NAALADL2: variants seen among roughly 807,000 people sequenced by gnomAD.
The protein encoded by NAALADL2 is inactive N-acetylated-alpha-linked acidic dipeptidase-like protein 2.
In NAALADL2, 76 loss-of-function variants were observed where a neutral mutation model predicts 87.2. The ratio of observed to expected loss-of-function variants is 0.87; its 90% confidence interval spans 0.72 to 1.05. NAALADL2 has a LOEUF of 1.05. Among genes scored for constraint, NAALADL2 ranks in the 50% least tolerant of loss-of-function variants. The pLI is 0.00. For synonymous variants in NAALADL2, 354 were observed against 331.0 expected (o/e 1.07, Z -0.75); for missense variants, 1,089 against 945.8 (o/e 1.15, Z -1.99).
chr3:175,003,711 G>A (rs969384007), intron 1 of NAALADL2, among the ~76,000 whole-genome samples: 35 of 152,188 alleles, frequency 2.3e-4, no homozygotes, highest in African/African-American at 8.2e-4. Context: ...GGCTGCAGTT[G>A]TTCATTCACC....
At chr3:175,056,997 A>G (rs1712344170) in intron 1 of NAALADL2, among the ~76,000 whole-genome samples, 1 of 152,206 alleles carries the variant, frequency 6.6e-6, no homozygotes, top group South Asian at 2.1e-4. Context: ...TTATGGCCAG[A>G]TTTGGGAGGC....
chr3:174,626,535 G>A (rs1721594917), intron 2 of NAALADL2, among the ~76,000 whole-genome samples: 1 of 151,924 alleles, frequency 6.6e-6, no homozygotes, highest in Admixed American at 6.6e-5. Context: ...TCTGTCGGGT[G>A]TGCTCATTTT....
intron 5 of NAALADL2, among the ~76,000 whole-genome samples, chr3:175,405,665 A>T (rs562181218): frequency 8.2e-4 from 125 of 152,152 alleles, no homozygotes; most frequent in Non-Finnish European, 6.3e-4. Flanking sequence ...TTCTTTACAC[A>T]CATTTTGCTG....
At chr3:175,214,363 C>G (rs1188794821) in intron 2 of NAALADL2, among the ~76,000 whole-genome samples, 4 of 152,114 alleles carry the variant, frequency 2.6e-5, no homozygotes, top group Middle Eastern at 3.2e-3. Flanking sequence ...CTGTAAAAGC[C>G]TCTGTGTCTT....
chr3:175,061,806 A>G (rs77720651), intron 1 of NAALADL2, among the ~76,000 whole-genome samples: 16,927 of 150,724 alleles, frequency 0.11, 1,087 homozygotes, highest in East Asian at 0.21. Context: ...GCTTATGCCT[A>G]TGTAATTTTG....
At chr3:175,317,364 T>C (rs1382697446) in intron 4 of NAALADL2, among the ~76,000 whole-genome samples, 1 of 151,342 alleles carries the variant, frequency 6.6e-6, no homozygotes, top group African/African-American at 2.4e-5. Context: ...AAAAAAAATG[T>C]GGATTCCCAT....
intron 1 of NAALADL2, among the ~76,000 whole-genome samples, chr3:174,974,465 A>T (rs1744099263): frequency 6.6e-6 from 1 of 152,132 alleles, no homozygotes; most frequent in African/African-American, 2.4e-5. Flanking sequence ...CCTTGGTTTT[A>T]CCTATTAAGT....
intron 1 of NAALADL2, among the ~76,000 whole-genome samples, chr3:174,898,962 C>T (rs1219783019): frequency 3.3e-5 from 5 of 151,936 alleles, no homozygotes; most frequent in Non-Finnish European, 7.4e-5. Context: ...ATCATTCAGC[C>T]GAACATGTTT....
At chr3:174,810,831 A>G (rs1384364232) in intron 3 of NAALADL2, among the ~76,000 whole-genome samples, 2 of 152,148 alleles carry the variant, frequency 1.3e-5, no homozygotes, top group East Asian at 1.9e-4. Context: ...ACAGAACTTC[A>G]TGGCTACTCC....
rs145048344 is a variant in NAALADL2 at position 174,983,828 on chromosome 3, G to A, written c.44-112962G>A. On this transcript the variant is annotated intron_variant, in intron 1 of 13. Transcript: ENST00000454872. ...ATGTGAAAGTGGTACTGGCTGACAA[G>A]TTGTTTACTATCTCCATGAATTAGC... Among the ~76,000 whole-genome samples the A allele has an allele frequency of 8.5e-5, 13 of 152,290 alleles. No individual in the cohort carries two copies. In the East Asian group the frequency reaches 2.3e-3, roughly 27 times the overall value.
intron 10 of NAALADL2, among the ~76,000 whole-genome samples, chr3:175,620,939 A>T (rs986424073): frequency 2.6e-5 from 4 of 152,196 alleles, no homozygotes. Context: ...GAGGGGACCC[A>T]AAAGCGGGTA....
rs896440869 is a variant in NAALADL2, at chr3:175,568,706, A to G, written c.1654-7335A>G. ...ACCCAGTCTCAAAAATTATGTTTCAACTGCTTCAGTTAAAATGCACAGGGT... is the reference window on the plus strand; with the variant it reads ...ACCCAGTCTCAAAAATTATGTTTCAGCTGCTTCAGTTAAAATGCACAGGGT... On this transcript the variant is annotated intron_variant, in intron 9 of 13. Coordinates refer to ENST00000454872, the MANE Select transcript of NAALADL2 (RefSeq NM_207015.3). 3.3e-5 allele frequency among the ~76,000 whole-genome samples: 5 copies of G among 152,332 alleles called. No homozygotes were observed. In the South Asian group the frequency reaches 6.2e-4, roughly 19 times the overall value.
intron 5 of NAALADL2, among the ~76,000 whole-genome samples, chr3:175,378,595 T>G (rs777020102): frequency 4.6e-5 from 7 of 152,182 alleles, no homozygotes; most frequent in Non-Finnish European, 2.9e-5. Flanking sequence ...CTGGAGTACT[T>G]TCTATGTGAA....
intron 5 of NAALADL2, among the ~76,000 whole-genome samples, chr3:175,353,276 G>A (rs1429368306): frequency 6.6e-6 from 1 of 151,732 alleles, no homozygotes; most frequent in East Asian, 1.9e-4. Context: ...AGAGGTTGAG[G>A]TCGGAGGATC....
At chr3:175,236,550 A>C (rs1433812502) in intron 3 of NAALADL2, among the ~76,000 whole-genome samples, 1 of 60,136 alleles carries the variant, frequency 1.7e-5, no homozygotes, top group Non-Finnish European at 5.1e-5. Flanking sequence ...CTCCTTCTCA[A>C]AAAAAAAAAA....
intron 9 of NAALADL2, among the ~76,000 whole-genome samples, chr3:175,572,501 A>G (rs1031947851): frequency 6.6e-6 from 1 of 152,130 alleles, no homozygotes; most frequent in Admixed American, 6.5e-5. Flanking sequence ...GGCAAGGCAG[A>G]GCAAACTATA....
intron 1 of NAALADL2, among the ~76,000 whole-genome samples, chr3:174,995,284 AT>A (rs1747286085): frequency 1.3e-5 from 2 of 152,206 alleles, no homozygotes; most frequent in African/African-American, 4.8e-5. Flanking sequence ...CATCGGGTAG[AT>A]TATTATTTCT....
intron 10 of NAALADL2, among the ~76,000 whole-genome samples, chr3:175,624,077 C>A (rs1162259453): frequency 6.6e-6 from 1 of 151,624 alleles, no homozygotes; most frequent in African/African-American, 2.4e-5. Flanking sequence ...TAGAAATAAA[C>A]AAACGAAAAC....
At chr3:175,569,258 A>G (rs1270421917) in intron 9 of NAALADL2, among the ~76,000 whole-genome samples, 2 of 152,164 alleles carry the variant, frequency 1.3e-5, no homozygotes, top group African/African-American at 2.4e-5. Flanking sequence ...AAATGTTATA[A>G]CAAAATTTTG....
Sources: gnomAD v4.1 joint callset for allele counts (sites outside exome capture counted in the v4.1 genomes callset) on GRCh38, gnomAD v4.1.1 for gene constraint, MANE v1.5 for transcripts, NCBI Gene and HGNC (gene_info 2026-07-23, HGNC 2026-07-21) for gene names.